SMIM41: variants seen among roughly 807,000 people sequenced by gnomAD.
SMIM41 encodes the protein small integral membrane protein 41.
chr12:52,091,648 T>C (rs1371418317), intron 2 of SMIM41, among the ~76,000 whole-genome samples: 2 of 152,216 alleles, frequency 1.3e-5, no homozygotes, highest in African/African-American at 4.8e-5. Flanking sequence ...TATTGAACGT[T>C]ATTGAACAAG....
At chr12:52,094,023 C>T (rs188571772) in intron 2 of SMIM41, among the ~76,000 whole-genome samples, 11 of 149,960 alleles carry the variant, frequency 7.3e-5, no homozygotes, top group African/African-American at 2.0e-4. Flanking sequence ...CCCAGCTACT[C>T]GGGAGGCTGA....
intron 2 of SMIM41, among the ~76,000 whole-genome samples, chr12:52,098,739 G>A (rs11519982): frequency 6.6e-6 from 1 of 150,618 alleles, no homozygotes; most frequent in Non-Finnish European, 1.5e-5. Context: ...TATCACGGGG[G>A]GGGGGGTGTA....
rs1349892559 is a variant in SMIM41, at chr12:52,080,168, C to G, written c.*107C>G. ...GGTCCCGACCCCTTACCCGAAGCGG[C>G]GCGCCCCACACAGGTGAGAGGGAGG... is the stretch of plus-strand genomic sequence containing the variant. On this transcript the variant is annotated 3_prime_UTR_variant, in exon 1 of 3. Transcript: ENST00000546390. 1 of 329,308 alleles carries G rather than the reference C, an allele frequency of 3.0e-6. No individual in the cohort carries two copies. The highest frequency in any genetic ancestry group is 2.2e-5 in the African/African-American group (1 of 45,744). 20.4% of individuals were successfully genotyped at this position (329,308 alleles called of 1,614,324 possible).
chr12:52,093,408 G>A (rs760329696), intron 2 of SMIM41, among the ~76,000 whole-genome samples: 2 of 152,054 alleles, frequency 1.3e-5, no homozygotes, highest in Non-Finnish European at 2.9e-5. Flanking sequence ...CCTGTAGCAC[G>A]GTTGTCACAA....
chr12:52,100,759 G>A (rs969906483), intron 2 of SMIM41, among the ~76,000 whole-genome samples: 2 of 151,264 alleles, frequency 1.3e-5, no homozygotes, highest in Non-Finnish European at 2.9e-5. Context: ...AGGCGTGAGT[G>A]ACCGCGCCCA....
At chr12:52,102,508 A>C (rs1416886405) in intron 2 of SMIM41, among the ~76,000 whole-genome samples, 1 of 151,162 alleles carries the variant, frequency 6.6e-6, no homozygotes. Context: ...TCCATCATAT[A>C]TAAAGAACAG....
At position 52,080,122 on chromosome 12, in the gene SMIM41, A is replaced by G. The variant is rs2120642630; in HGVS notation, c.*61A>G. The G allele has an allele frequency of 2.9e-6, 1 of 347,942 alleles. No individual in the cohort carries two copies. Among genetic ancestry groups the G allele is most frequent in the East Asian group, 4.4e-5 (1 of 22,884 alleles). 21.6% of individuals were successfully genotyped at this position (347,942 alleles called of 1,614,324 possible). A position where few individuals can be genotyped will look rare whatever the true frequency, so the allele number is the denominator to read the frequency against. On this transcript the variant is annotated 3_prime_UTR_variant, in exon 1 of 3. Transcript: ENST00000546390. Reference sequence around the variant, plus strand: ...CAGCCCCTGACTCCGAGCGGTCCGGAGCATGCCCGACGGCTGCTGCGGTCC... The same window carrying G: ...CAGCCCCTGACTCCGAGCGGTCCGGGGCATGCCCGACGGCTGCTGCGGTCC...
At position 52,107,579 on chromosome 12, in the gene SMIM41, G is replaced by C; in HGVS notation, c.*396G>C. The stretch of plus-strand genomic sequence containing the variant: ...CCACCACGGTCCCCCAGATGACTGT[G>C]GACATCCAGTCTCGCAGCAGAGTCA... On this transcript the variant is annotated 3_prime_UTR_variant, in exon 3 of 3. Coordinates refer to ENST00000546390, the MANE Select transcript of SMIM41 (RefSeq NM_001369216.1). The C allele has an allele frequency of 2.8e-6, 2 of 714,656 alleles. No individual in the cohort carries two copies. Among genetic ancestry groups the C allele is most frequent in the Non-Finnish European group, 5.0e-6 (2 of 399,654 alleles). 44.3% of individuals were successfully genotyped at this position (714,656 alleles called of 1,614,324 possible).
chr12:52,083,512 G>C (rs1452143410), intron 1 of SMIM41, among the ~76,000 whole-genome samples: 1 of 152,144 alleles, frequency 6.6e-6, no homozygotes, highest in Admixed American at 6.5e-5. Context: ...TTTTCCCCTT[G>C]CACCTTCAGA....
Position 52,079,714 on chromosome 12 carries a change from C to T in SMIM41, c.-66C>T, listed in dbSNP as rs1939789556. ...TCCCTCCCCGACGCAGCCGCCGGCCCGCCCGCCAGTCTGGGCTCCTGCACA... is the reference window on the plus strand; with the variant it reads ...TCCCTCCCCGACGCAGCCGCCGGCCTGCCCGCCAGTCTGGGCTCCTGCACA... On this transcript the variant is annotated 5_prime_UTR_variant, in exon 1 of 3. Transcript: ENST00000546390. 5.1e-6 allele frequency: 2 copies of T among 389,498 alleles called. No individual in the cohort carries two copies. Among genetic ancestry groups the T allele is most frequent in the Non-Finnish European group, 9.1e-6 (2 of 220,242 alleles). 24.1% of individuals were successfully genotyped at this position (389,498 alleles called of 1,614,324 possible). A position where few individuals can be genotyped will look rare whatever the true frequency, so the allele number is the denominator to read the frequency against.
intron 2 of SMIM41, among the ~76,000 whole-genome samples, chr12:52,085,043 G>T (rs1939874347): frequency 6.6e-6 from 1 of 152,176 alleles, no homozygotes; most frequent in African/African-American, 2.4e-5. Flanking sequence ...TGTGTGTGCG[G>T]TGGTGCCACC....
chr12:52,087,762 G>T (rs1443413334), intron 2 of SMIM41: 2 of 152,240 alleles, frequency 1.3e-5, no homozygotes, highest in African/African-American at 4.8e-5. Context: ...TGAGATGAAG[G>T]GCACCTTAGT....
chr12:52,086,820 T>C (rs1248875639), intron 2 of SMIM41, among the ~76,000 whole-genome samples: 5 of 152,224 alleles, frequency 3.3e-5, no homozygotes, highest in Admixed American at 6.5e-5. Flanking sequence ...CCACTTCCAG[T>C]GTAGATTGCT....
chr12:52,100,582 G>A (rs148227687), intron 2 of SMIM41, among the ~76,000 whole-genome samples: 2,097 of 150,142 alleles, frequency 0.014, 61 homozygotes, highest in African/African-American at 0.049. Context: ...TCAGCCTTCT[G>A]AGTAGCTGGG....
At chr12:52,093,519 A>G (rs566051188) in intron 2 of SMIM41, 1 of 152,300 alleles carries the variant, frequency 6.6e-6, no homozygotes, top group South Asian at 2.1e-4. Context: ...GACTGGGGTC[A>G]GTAGGCTGCG....
At chr12:52,103,370 A>C (rs1284583396) in intron 2 of SMIM41, among the ~76,000 whole-genome samples, 1 of 151,748 alleles carries the variant, frequency 6.6e-6, no homozygotes, top group Non-Finnish European at 1.5e-5. Flanking sequence ...AAAAAAAAAA[A>C]AACCAAAAAA....
At chr12:52,098,061 TG>T (rs778541708) in intron 2 of SMIM41, among the ~76,000 whole-genome samples, 4 of 150,668 alleles carry the variant, frequency 2.7e-5, no homozygotes, top group Non-Finnish European at 4.4e-5. Context: ...AATATCACAG[TG>T]TGCGTGTACG....
At chr12:52,094,013 C>T (rs948896940) in intron 2 of SMIM41, among the ~76,000 whole-genome samples, 1 of 151,496 alleles carries the variant, frequency 6.6e-6, no homozygotes, top group Admixed American at 6.6e-5. Context: ...TGCCTCTAAT[C>T]CCAGCTACTC....
Position 52,081,917 on chromosome 12 carries a change from C to A in SMIM41, c.*120+1736C>A, listed in dbSNP as rs1939824639. The stretch of plus-strand genomic sequence containing the variant: ...CCTCTCACTCTGTCCTCTTCCCTTC[C>A]CTGCTTTCTCATCACTCTTTGAGAT... On this transcript the variant is annotated intron_variant, in intron 1 of 2. Transcript: ENST00000546390. The surrounding 1 kb of genome is among the most constrained non-coding windows in gnomAD (Gnocchi z 4.1). 6.6e-6 allele frequency: 1 copy of A among 152,316 alleles called. No individual in the cohort carries two copies. The highest frequency in any genetic ancestry group is 6.5e-5 in the Admixed American group (1 of 15,290). The allele number at this position is 152,316 out of a possible 1,614,324, so 9.4% of individuals were successfully genotyped here.
Sources: allele counts gnomAD v4.1 joint callset (sites outside exome capture counted in the v4.1 genomes callset), GRCh38; gene constraint gnomAD v4.1.1; non-coding constraint Gnocchi (gnomAD v3.1); transcripts MANE v1.5; gene names NCBI Gene and HGNC (gene_info 2026-07-23, HGNC 2026-07-21).